The following KSR2 variants were observed in gnomAD, a reference collection of about 807,000 sequenced individuals.
KSR2 encodes the protein kinase suppressor of ras 2.
KSR2 carries 25 observed loss-of-function variants against 107.8 expected under a neutral mutation model. That is an observed-to-expected ratio of 0.23 (90% CI 0.17 to 0.32). The LOEUF is 0.32. Among genes scored for constraint, KSR2 ranks in the 10% least tolerant of loss-of-function variants. The pLI is 1.00. For missense variants in KSR2, 887 were observed against 1,268.9 expected (o/e 0.70, Z 4.57); for synonymous variants, 480 against 507.0 (o/e 0.95, Z 0.71).
intron 4 of KSR2, among the ~76,000 whole-genome samples, chr12:117,695,288 T>A (rs1283780408): frequency 6.6e-6 from 1 of 151,926 alleles, no homozygotes; most frequent in Non-Finnish European, 1.5e-5. Flanking sequence ...ATGAAGAGGG[T>A]TCTGGGGATG....
intron 3 of KSR2, among the ~76,000 whole-genome samples, chr12:117,775,696 C>A (rs1169027713): frequency 3.3e-5 from 5 of 152,050 alleles, no homozygotes; most frequent in Admixed American, 3.3e-4. Flanking sequence ...GAAACTGAGA[C>A]AGAGAGAGGA....
intron 14 of KSR2, among the ~76,000 whole-genome samples, chr12:117,489,648 C>T (rs1468951343): frequency 6.6e-6 from 1 of 151,870 alleles, no homozygotes; most frequent in Non-Finnish European, 1.5e-5. Context: ...GGCACTGATA[C>T]CCAAGGTATC....
chr12:117,850,715 G>T (rs1256463284), intron 3 of KSR2, among the ~76,000 whole-genome samples: 4 of 151,968 alleles, frequency 2.6e-5, no homozygotes, highest in African/African-American at 4.8e-5. Flanking sequence ...GAGGCTGAGT[G>T]GGGGGATCGC....
At chr12:117,851,759 C>T (rs1039595361) in intron 3 of KSR2, among the ~76,000 whole-genome samples, 5 of 151,804 alleles carry the variant, frequency 3.3e-5, no homozygotes, top group South Asian at 2.1e-4. Flanking sequence ...AGCATGGTGG[C>T]GCATGCCTGT....
chr12:117,551,333 T>C (rs539190422), intron 9 of KSR2, among the ~76,000 whole-genome samples: 73 of 152,240 alleles, frequency 4.8e-4, no homozygotes, highest in Middle Eastern at 3.4e-3. Context: ...CTCCTCTTTC[T>C]CTGTCTTCTT....
intron 4 of KSR2, among the ~76,000 whole-genome samples, chr12:117,721,459 C>T (rs933960507): frequency 1.3e-5 from 2 of 152,144 alleles, no homozygotes; most frequent in East Asian, 1.9e-4. Flanking sequence ...GGGATTTCTA[C>T]TGTTGTCCCA....
chr12:117,674,537 C>T (rs1229821996), intron 4 of KSR2: 1 of 418,968 alleles, frequency 2.4e-6, no homozygotes, highest in South Asian at 1.7e-5. Context: ...CCCTGCACCA[C>T]CAATCAGCTT....
intron 1 of KSR2, among the ~76,000 whole-genome samples, chr12:117,887,618 A>G (rs1447922190): frequency 6.6e-6 from 1 of 152,138 alleles, no homozygotes; most frequent in African/African-American, 2.4e-5. Context: ...TGGCTTCAAC[A>G]AAGGAATTGT....
chr12:117,606,336 C>T (rs1420348080), intron 5 of KSR2, among the ~76,000 whole-genome samples: 2 of 131,438 alleles, frequency 1.5e-5, no homozygotes, highest in East Asian at 2.4e-4. Flanking sequence ...TTCCTTCCTC[C>T]TTTCCTTCCT....
At chr12:117,697,991 C>T (rs1886142428) in intron 4 of KSR2, among the ~76,000 whole-genome samples, 1 of 151,842 alleles carries the variant, frequency 6.6e-6, no homozygotes, top group African/African-American at 2.4e-5. Context: ...GAGAGAACAC[C>T]ACGTGAAGAT....
At chr12:117,685,176 G>A (rs574994291) in intron 4 of KSR2, among the ~76,000 whole-genome samples, 14 of 152,274 alleles carry the variant, frequency 9.2e-5, no homozygotes, top group South Asian at 4.2e-4. Flanking sequence ...ACAGCGACCC[G>A]GACTTTGCCT....
intron 7 of KSR2, among the ~76,000 whole-genome samples, chr12:117,574,446 T>TG (rs766921106): frequency 2.6e-5 from 4 of 152,178 alleles, no homozygotes; most frequent in Non-Finnish European, 5.9e-5. Flanking sequence ...CAGTTCCATG[T>TG]GGCTGGGGAG....
intron 3 of KSR2, among the ~76,000 whole-genome samples, chr12:117,818,692 G>T (rs11068687): frequency 0.15 from 23,327 of 152,122 alleles, 2,104 homozygotes; most frequent in Middle Eastern, 0.25. Context: ...TGCTGAAAAC[G>T]TTCTGTGGCT....
chr12:117,749,120 CAAAAA>C (rs34973454), intron 4 of KSR2, among the ~76,000 whole-genome samples: 7 of 106,032 alleles, frequency 6.6e-5, no homozygotes, highest in Admixed American at 9.1e-5. Flanking sequence ...GCTCCACTGG[CAAAAA>C]AAAAAAAAAA....
intron 7 of KSR2, among the ~76,000 whole-genome samples, chr12:117,570,726 G>A (rs1878833297): frequency 6.6e-6 from 1 of 152,158 alleles, no homozygotes; most frequent in African/African-American, 2.4e-5. Context: ...TTATTATCGG[G>A]GCATGAACAT....
At chr12:117,698,688 C>A (rs1886171521) in intron 4 of KSR2, among the ~76,000 whole-genome samples, 1 of 152,158 alleles carries the variant, frequency 6.6e-6, no homozygotes, top group African/African-American at 2.4e-5. Context: ...AGCACATACA[C>A]CCAGATCCAG....
At chr12:117,656,389 C>T (rs1432547877) in intron 5 of KSR2, among the ~76,000 whole-genome samples, 1 of 152,188 alleles carries the variant, frequency 6.6e-6, no homozygotes, top group Non-Finnish European at 1.5e-5. Flanking sequence ...GTGGGTGGAT[C>T]ACCTGAGGTT....
chr12:117,727,517 G>C (rs1887481368), intron 4 of KSR2, among the ~76,000 whole-genome samples: 1 of 151,776 alleles, frequency 6.6e-6, no homozygotes, highest in South Asian at 2.1e-4. Context: ...AGAGGAGAAG[G>C]AGGAGGAGGA....
chr12:117,502,163 CTATT>C (rs758993070), intron 14 of KSR2, among the ~76,000 whole-genome samples: 20 of 152,322 alleles, frequency 1.3e-4, no homozygotes, highest in East Asian at 3.9e-4. Context: ...GCGTCTGTGA[CTATT>C]TATGCACACA....
Sources: gnomAD v4.1 joint callset for allele counts (sites outside exome capture counted in the v4.1 genomes callset) on GRCh38, gnomAD v4.1.1 for gene constraint, MANE v1.5 for transcripts, NCBI Gene and HGNC (gene_info 2026-07-23, HGNC 2026-07-21) for gene names.